FHIP1A: variants seen among roughly 807,000 people sequenced by gnomAD.
FHIP1A encodes FHF complex subunit HOOK-interacting protein 1A.
Under a neutral mutation model 88.6 loss-of-function variants are expected in FHIP1A, and 61 were observed. That is an observed-to-expected ratio of 0.69 (90% CI 0.56 to 0.85). FHIP1A has a LOEUF of 0.85. FHIP1A is among the 40% of genes least tolerant of loss of function. The pLI is 0.00. For missense variants in FHIP1A, 1,154 were observed against 1,273.5 expected, an observed-to-expected ratio of 0.91 and a Z score of 1.43; for synonymous variants, 478 against 496.0, an observed-to-expected ratio of 0.96 and a Z score of 0.48.
intron 7 of FHIP1A, among the ~76,000 whole-genome samples, chr4:151,624,608 CT>C (rs1735881624): frequency 1.3e-5 from 2 of 152,130 alleles, no homozygotes; most frequent in Non-Finnish European, 2.9e-5. Context: ...CAGAGATTGG[CT>C]TTTATTTTAA....
At chr4:151,434,232 G>C (rs1221509958) in intron 1 of FHIP1A, among the ~76,000 whole-genome samples, 1 of 152,198 alleles carries the variant, frequency 6.6e-6, no homozygotes, top group East Asian at 1.9e-4. Context: ...CTCTTTGGCT[G>C]TAAGTCCTAG....
At chr4:151,586,922 C>T (rs1388098837) in intron 6 of FHIP1A, 123 bp downstream of exon 6, 1 of 745,412 alleles carries the variant, frequency 1.3e-6, no homozygotes, top group Non-Finnish European at 2.0e-6. Context: ...AATATTGGTG[C>T]TTTAAGCCAA....
intron 3 of FHIP1A, among the ~76,000 whole-genome samples, chr4:151,485,583 A>G (rs1730053465): frequency 6.7e-6 from 1 of 149,946 alleles, no homozygotes; most frequent in Non-Finnish European, 1.5e-5. Flanking sequence ...CAGAGGGTGG[A>G]GCTCAGAGTT....
intron 3 of FHIP1A, among the ~76,000 whole-genome samples, 160 bp downstream of exon 3, chr4:151,482,808 A>G (rs534962753): frequency 1.3e-5 from 2 of 151,966 alleles, no homozygotes; most frequent in East Asian, 1.9e-4. Context: ...TCTATCCTCT[A>G]TGTGAAGCAT....
At chr4:151,426,343 G>T (rs570102543) in intron 1 of FHIP1A, among the ~76,000 whole-genome samples, 1 of 152,148 alleles carries the variant, frequency 6.6e-6, no homozygotes, top group East Asian at 1.9e-4. Flanking sequence ...TAAATGCAAC[G>T]CTTAATTTTT....
At chr4:151,660,496 T>C (rs1200288814) in intron 13 of FHIP1A, among the ~76,000 whole-genome samples, 1 of 152,214 alleles carries the variant, frequency 6.6e-6, no homozygotes, top group Non-Finnish European at 1.5e-5. Flanking sequence ...TAGGGAAGAC[T>C]GATGAGATCA....
chr4:151,656,390 A>G lies in FHIP1A; in HGVS notation c.2710A>G (p.Ser904Gly). 1 of 1,551,684 alleles carries G rather than the reference A, an allele frequency of 6.4e-7. No homozygotes were observed. Among genetic ancestry groups the G allele is most frequent in the Non-Finnish European group, 8.7e-7 (1 of 1,146,986 alleles). ...CAACACCAACATGGTCTTCCAGCCA[A>G]GCGTCCGCTCTCTCTATCAGGTATG... ...LLNTNMVFQPSVRSLYQVLAS... is the reference protein window; with the variant it reads ...LLNTNMVFQPGVRSLYQVLAS... Residue 904 changes from serine (S) to glycine (G), a missense_variant, in exon 12 of 14, where the codon AGC (serine) becomes GGC (glycine). Transcript: ENST00000435205. This position sits in a 1 kb window ranked among gnomAD's most constrained non-coding sequence, Gnocchi z 4.2.
Position 151,646,597 on chromosome 4 carries a change from G to C in FHIP1A, c.1266G>C (p.Arg422Ser), listed in dbSNP as rs1736803402. The stretch of plus-strand genomic sequence containing the variant: ...GCAATCACATGATGCTGAGTCAGAG[G>C]TGGGCTGTGAAGGAGAGAGACTGTT... Reference protein sequence around the residue: ...IPCNHMMLSQRWAVKERDCYS... With the variant: ...IPCNHMMLSQSWAVKERDCYS... The change falls in exon 10 of 14, where the codon AGG becomes AGC. Residue 422 changes from arginine to serine, a missense_variant. Transcript: ENST00000435205. The C allele has an allele frequency of 1.3e-6, 2 of 1,551,616 alleles. No individual in the cohort carries two copies. The highest frequency in any genetic ancestry group is 1.7e-6 in the Non-Finnish European group (2 of 1,146,928).
intron 3 of FHIP1A, among the ~76,000 whole-genome samples, chr4:151,525,183 C>G (rs1287971766): frequency 2.0e-5 from 3 of 152,192 alleles, no homozygotes; most frequent in African/African-American, 7.2e-5. Flanking sequence ...AACTCAGGCT[C>G]AGCTGGGCCT....
At position 151,663,908 on chromosome 4, in the gene FHIP1A, A is replaced by T. The variant is rs546038022; in HGVS notation, c.*1154A>T. 6.6e-6 allele frequency among the ~76,000 whole-genome samples: 1 copy of T among 152,316 alleles called. No individual in the cohort carries two copies. The highest frequency in any genetic ancestry group is 2.4e-5 in the African/African-American group (1 of 41,572). ...CCTTCCGAGTAATGGGGTTCATTAG[A>T]AGGCCCCAACGTGCTGTATGAGCGT... On this transcript the variant is annotated 3_prime_UTR_variant, in exon 14 of 14. Transcript: ENST00000435205.
chr4:151,500,662 A>G (rs1466738432), intron 3 of FHIP1A, among the ~76,000 whole-genome samples: 1 of 152,164 alleles, frequency 6.6e-6, no homozygotes, highest in African/African-American at 2.4e-5. Flanking sequence ...TGTAACTGCT[A>G]TTGAAGCCTA....
At chr4:151,516,422 A>G (rs2126686137) in intron 3 of FHIP1A, among the ~76,000 whole-genome samples, 1 of 152,262 alleles carries the variant, frequency 6.6e-6, no homozygotes, top group East Asian at 1.9e-4. Flanking sequence ...CACCAAAAGC[A>G]ATGGCAGCAA....
intron 10 of FHIP1A, among the ~76,000 whole-genome samples, chr4:151,647,016 C>T (rs542616389): frequency 2.0e-5 from 3 of 152,058 alleles, no homozygotes; most frequent in Admixed American, 6.6e-5. Flanking sequence ...AATGTGAAAA[C>T]GTGTGCTAGC....
chr4:151,580,605 C>A (rs968404397), intron 5 of FHIP1A, among the ~76,000 whole-genome samples: 2 of 152,200 alleles, frequency 1.3e-5, no homozygotes, highest in Non-Finnish European at 2.9e-5. Flanking sequence ...GATCCTGCAA[C>A]TTCCCTTCTA....
At chr4:151,504,698 T>G (rs1008092403) in intron 3 of FHIP1A, among the ~76,000 whole-genome samples, 2 of 152,192 alleles carry the variant, frequency 1.3e-5, no homozygotes, top group Non-Finnish European at 2.9e-5. Flanking sequence ...CTCGGCTCAC[T>G]GCAACCTCTG....
chr4:151,539,691 T>C (rs1273030482), intron 3 of FHIP1A, among the ~76,000 whole-genome samples: 1 of 152,116 alleles, frequency 6.6e-6, no homozygotes, highest in Non-Finnish European at 1.5e-5. Context: ...CCCTGCTGAG[T>C]GCCCTGTCTG....
At chr4:151,597,373 A>G (rs746111826) in intron 7 of FHIP1A, among the ~76,000 whole-genome samples, 31 of 152,098 alleles carry the variant, frequency 2.0e-4, no homozygotes, top group Non-Finnish European at 3.7e-4. Context: ...AGAACAGCAA[A>G]GATTGCTACC....
intron 3 of FHIP1A, among the ~76,000 whole-genome samples, chr4:151,495,484 A>T (rs1224373576): frequency 2.0e-5 from 3 of 151,660 alleles, no homozygotes; most frequent in Non-Finnish European, 4.4e-5. Context: ...CCTGGGCAAC[A>T]GAGTGAGACT....
chr4:151,607,558 A>G (rs1246470559), intron 7 of FHIP1A, among the ~76,000 whole-genome samples: 1 of 152,244 alleles, frequency 6.6e-6, no homozygotes, highest in Non-Finnish European at 1.5e-5. Flanking sequence ...CAATTAATGC[A>G]TTATATTCAA....
Sources: allele counts gnomAD v4.1 joint callset (sites outside exome capture counted in the v4.1 genomes callset), GRCh38; gene constraint gnomAD v4.1.1; non-coding constraint Gnocchi (gnomAD v3.1); transcripts MANE v1.5; gene names NCBI Gene and HGNC (gene_info 2026-07-23, HGNC 2026-07-21).